MGAT4C: variants seen among roughly 807,000 people sequenced by gnomAD.
The protein encoded by MGAT4C is alpha-1,3-mannosyl-glycoprotein 4-beta-N-acetylglucosaminyltransferase C.
MGAT4C carries 19 observed loss-of-function variants against 40.1 expected under a neutral mutation model. The observed-to-expected ratio is 0.47, with a 90% CI of 0.33 to 0.70. MGAT4C has a LOEUF of 0.70. Among genes scored for constraint, MGAT4C ranks in the 30% least tolerant of loss-of-function variants. The pLI, the probability that MGAT4C is intolerant of heterozygous loss-of-function variation, is 0.02. For missense variants in MGAT4C, 491 were observed against 563.2 expected (o/e 0.87, Z 1.30); for synonymous variants, 181 against 187.1 (o/e 0.97, Z 0.27).
chr12:86,161,641 A>G (rs1885601074), intron 1 of MGAT4C, among the ~76,000 whole-genome samples: 2 of 152,116 alleles, frequency 1.3e-5, no homozygotes, highest in South Asian at 4.1e-4. Context: ...TGCAATAAAA[A>G]CAAATAGACA....
intron 4 of MGAT4C, among the ~76,000 whole-genome samples, chr12:86,315,933 T>C (rs1354938715): frequency 1.3e-5 from 2 of 150,800 alleles, no homozygotes; most frequent in Admixed American, 6.6e-5. Flanking sequence ...TGAGGGAAAA[T>C]ATTTACAAAC....
intron 4 of MGAT4C, among the ~76,000 whole-genome samples, chr12:86,324,928 T>G (rs1954490564): frequency 6.6e-6 from 1 of 152,148 alleles, no homozygotes; most frequent in Non-Finnish European, 1.5e-5. Context: ...AGCCTTGCAG[T>G]GTTAAAATGA....
chr12:86,492,110 A>C (rs1224618368), intron 2 of MGAT4C, among the ~76,000 whole-genome samples: 1 of 152,198 alleles, frequency 6.6e-6, no homozygotes, highest in Non-Finnish European at 1.5e-5. Flanking sequence ...GACCTCTTCA[A>C]GGAGAACTAC....
At chr12:86,571,843 T>G (rs2136422858) in intron 2 of MGAT4C, among the ~76,000 whole-genome samples, 1 of 152,266 alleles carries the variant, frequency 6.6e-6, no homozygotes, top group East Asian at 1.9e-4. Flanking sequence ...GATTAGGCAC[T>G]TAGATTTCTA....
At chr12:86,637,830 T>C (rs1051465895) in intron 2 of MGAT4C, among the ~76,000 whole-genome samples, 1 of 151,976 alleles carries the variant, frequency 6.6e-6, no homozygotes, top group Non-Finnish European at 1.5e-5. Context: ...TACATCTTAG[T>C]CTGATAGGAC....
chr12:86,748,857 T>C (rs1951193029), intron 1 of MGAT4C, among the ~76,000 whole-genome samples: 2 of 151,480 alleles, frequency 1.3e-5, no homozygotes, highest in Non-Finnish European at 3.0e-5. Flanking sequence ...CCAAAGAAGC[T>C]AGTAGGTGTT....
intron 3 of MGAT4C, among the ~76,000 whole-genome samples, chr12:86,434,003 A>G (rs1048064239): frequency 1.3e-5 from 2 of 152,080 alleles, no homozygotes; most frequent in African/African-American, 4.8e-5. Flanking sequence ...GTTATCAGAT[A>G]AGCATGAATT....
At chr12:86,222,289 T>C (rs1032707927) in intron 1 of MGAT4C, among the ~76,000 whole-genome samples, 7 of 152,196 alleles carry the variant, frequency 4.6e-5, no homozygotes, top group African/African-American at 7.2e-5. Flanking sequence ...TTTGTGCAGA[T>C]AGGAAACCAA....
intron 2 of MGAT4C, among the ~76,000 whole-genome samples, chr12:86,577,617 C>T (rs756183171): frequency 9.9e-5 from 15 of 151,750 alleles, no homozygotes; most frequent in South Asian, 4.1e-4. Flanking sequence ...CAGCCATCCT[C>T]GCATTCCACA....
Position 85,966,041 on chromosome 12 carries a change from A to C in MGAT4C, c.*13248T>G, listed in dbSNP as rs1434130443. On this transcript the variant is annotated 3_prime_UTR_variant, in exon 5 of 5. Coordinates refer to ENST00000611864, the MANE Select transcript of MGAT4C (RefSeq NM_001351288.2). ...TAAGTAATTAAAAGTGTCAGGCATT[A>C]TTTTCCTATTATGAGACATTTTATA... is the stretch of plus-strand genomic sequence containing the variant. 6.6e-6 allele frequency: 1 copy of C among 152,146 alleles called. No homozygotes were observed. Among genetic ancestry groups the C allele is most frequent in the Non-Finnish European group, 1.5e-5 (1 of 68,020 alleles). 9.4% of individuals were successfully genotyped at this position (152,146 alleles called of 1,614,324 possible).
intron 1 of MGAT4C, among the ~76,000 whole-genome samples, chr12:86,194,621 ATTT>A (rs539524406): frequency 2.8e-5 from 4 of 144,698 alleles, no homozygotes; most frequent in Middle Eastern, 3.5e-3. Context: ...TGCCCAACTA[ATTT>A]TTTTTTTTTT....
chr12:86,290,399 A>G (rs1350158016), intron 4 of MGAT4C, among the ~76,000 whole-genome samples: 1 of 152,154 alleles, frequency 6.6e-6, no homozygotes, highest in Non-Finnish European at 1.5e-5. Flanking sequence ...TAATATCCCA[A>G]TTCAAATTTG....
At chr12:86,805,062 T>C (rs945552857) in intron 1 of MGAT4C, among the ~76,000 whole-genome samples, 1 of 152,056 alleles carries the variant, frequency 6.6e-6, no homozygotes. Flanking sequence ...ATTATATTGT[T>C]ATCAGAAATG....
At chr12:86,811,031 G>GCA (rs1486785020) in intron 1 of MGAT4C, among the ~76,000 whole-genome samples, 92 of 43,022 alleles carry the variant, frequency 2.1e-3, no homozygotes, top group Admixed American at 2.8e-3. Flanking sequence ...CCTTGTCAAA[G>GCA]ATTTTATATT....
intron 2 of MGAT4C, among the ~76,000 whole-genome samples, chr12:86,033,373 ATTCT>A (rs1240687223): frequency 6.7e-6 from 1 of 149,402 alleles, no homozygotes; most frequent in East Asian, 1.9e-4. Context: ...TAAAATATTG[ATTCT>A]TTCTATTAAT....
intron 2 of MGAT4C, among the ~76,000 whole-genome samples, chr12:86,653,155 ATATAAT>A (rs1963741481): frequency 6.6e-6 from 1 of 151,896 alleles, no homozygotes; most frequent in Admixed American, 6.6e-5. Context: ...GTCATTTGCA[ATATAAT>A]TATATTCATT....
chr12:86,029,602 A>G (rs1168943987), intron 2 of MGAT4C, among the ~76,000 whole-genome samples: 3 of 151,940 alleles, frequency 2.0e-5, no homozygotes, highest in Admixed American at 6.6e-5. Context: ...ACCTGCTTAA[A>G]TATTTCTTGA....
intron 2 of MGAT4C, among the ~76,000 whole-genome samples, chr12:86,509,216 C>T (rs988093436): frequency 6.6e-6 from 1 of 152,114 alleles, no homozygotes; most frequent in Admixed American, 6.6e-5. Context: ...AGTCTTTAAT[C>T]CATCTTGAAT....
chr12:86,206,516 A>G (rs1440772553), intron 1 of MGAT4C, among the ~76,000 whole-genome samples: 1 of 152,172 alleles, frequency 6.6e-6, no homozygotes, highest in Non-Finnish European at 1.5e-5. Flanking sequence ...ACGGTATTTC[A>G]GTGGAAACCT....
Sources: allele counts gnomAD v4.1 joint callset (sites outside exome capture counted in the v4.1 genomes callset), GRCh38; gene constraint gnomAD v4.1.1; transcripts MANE v1.5; gene names NCBI Gene and HGNC (gene_info 2026-07-23, HGNC 2026-07-21).